The following PIK3C2A variants were observed in gnomAD, a reference collection of about 807,000 sequenced individuals.
PIK3C2A encodes phosphatidylinositol-4-phosphate 3-kinase catalytic subunit type 2 alpha, also known as phosphatidylinositol 4-phosphate 3-kinase C2 domain-containing subunit alpha.
A neutral mutation model predicts 204.5 loss-of-function variants in PIK3C2A; 97 were observed. The observed-to-expected ratio is 0.47, with a 90% CI of 0.40 to 0.56. PIK3C2A has a LOEUF of 0.56. Ranked by LOEUF, PIK3C2A falls within the 20% of genes least tolerant of loss-of-function variation. The probability of loss-of-function intolerance (pLI) is 0.00; values close to 1 mark genes in which losing one functional copy is unlikely to be tolerated. For missense variants in PIK3C2A, 1,735 were observed against 1,969.2 expected (o/e 0.88, Z 2.25); for synonymous variants, 653 against 664.4 (o/e 0.98, Z 0.26).
At chr11:17,122,483 T>C (rs1426502413) in intron 14 of PIK3C2A, 150 bp from the exon 15 acceptor site, 1 of 635,092 alleles carries the variant, frequency 1.6e-6, no homozygotes, top group African/African-American at 1.8e-5. Context: ...TTGATTACCA[T>C]TGTTGGTAAT....
At chr11:17,163,581 C>T (rs1850851239) in intron 2 of PIK3C2A, among the ~76,000 whole-genome samples, 1 of 151,698 alleles carries the variant, frequency 6.6e-6, no homozygotes, top group African/African-American at 2.4e-5. Context: ...CCACACACAG[C>T]TATTTTTTTT....
chr11:17,090,434 T>C (rs1268373422), intron 32 of PIK3C2A, among the ~76,000 whole-genome samples: 1 of 152,228 alleles, frequency 6.6e-6, no homozygotes, highest in Non-Finnish European at 1.5e-5. Flanking sequence ...TCTATTGCAC[T>C]CTAGCCTGGG....
At chr11:17,197,006 T>C (rs770324705) in intron 1 of PIK3C2A, among the ~76,000 whole-genome samples, 10 of 151,926 alleles carry the variant, frequency 6.6e-5, no homozygotes, top group Non-Finnish European at 1.3e-4. Flanking sequence ...AGTTTAAAAA[T>C]AGGTGAGCCT....
At chr11:17,195,656 T>C (rs987245080) in intron 1 of PIK3C2A, among the ~76,000 whole-genome samples, 1 of 151,512 alleles carries the variant, frequency 6.6e-6, no homozygotes, top group African/African-American at 2.4e-5. Flanking sequence ...GGCAGGAGGA[T>C]TGCTTGAACC....
At chr11:17,186,092 A>G (rs1851741560) in intron 1 of PIK3C2A, among the ~76,000 whole-genome samples, 1 of 152,066 alleles carries the variant, frequency 6.6e-6, no homozygotes, top group Non-Finnish European at 1.5e-5. Context: ...GTTCCTCAAC[A>G]CCTTATGCTC....
chr11:17,096,313 T>C (rs145146402), intron 27 of PIK3C2A, among the ~76,000 whole-genome samples: 7 of 152,172 alleles, frequency 4.6e-5, no homozygotes, highest in African/African-American at 1.7e-4. Flanking sequence ...GCTGGGATTA[T>C]AGGCATGAGC....
chr11:17,179,024 C>CAG (rs1851441626), intron 1 of PIK3C2A, among the ~76,000 whole-genome samples: 5 of 151,258 alleles, frequency 3.3e-5, no homozygotes, highest in African/African-American at 4.9e-5. Context: ...CCACCGCGCC[C>CAG]CCGCTGATTT....
intron 1 of PIK3C2A, among the ~76,000 whole-genome samples, chr11:17,180,139 G>A (rs532987665): frequency 6.6e-6 from 1 of 152,220 alleles, no homozygotes; most frequent in African/African-American, 2.4e-5. Context: ...AAGCACTGCT[G>A]CAGGCAATGA....
rs1851063332 is a variant in PIK3C2A at position 17,168,902 on chromosome 11, C to T, written c.840G>A (p.Lys280=). The part of the protein sequence containing the change: ...WLDLDPLSKP[K]VDNVEVLDHE... ...GGTCTAATACCTCCACATTATCCAC[C>T]TTAGGCTTACTTAGAGGATCCAAGT... Residue 280 remains lysine (K), a synonymous_variant, in exon 2 of 33, where the codon AAG becomes AAA. Transcript: ENST00000691414. 8 of 1,614,086 alleles carry T rather than the reference C, an allele frequency of 5.0e-6. No homozygotes were observed. The highest frequency in any genetic ancestry group is 6.8e-6 in the Non-Finnish European group (8 of 1,179,988).
At chr11:17,105,601 G>T in intron 22 of PIK3C2A, among the ~76,000 whole-genome samples, 1 of 152,080 alleles carries the variant, frequency 6.6e-6, no homozygotes, top group East Asian at 1.9e-4. Context: ...CTGTGTCCAC[G>T]TGTTCTCACT....
chr11:17,165,992 A>G (rs214939), intron 2 of PIK3C2A, among the ~76,000 whole-genome samples: 63,966 of 151,852 alleles, frequency 0.42, 13,816 homozygotes, highest in Non-Finnish European at 0.47. Context: ...CATATAGCCA[A>G]TCTTGTTTCA....
rs1450027719 is a variant in PIK3C2A, at chr11:17,169,733, C to G, written c.9G>C (p.Gln3His). 1.3e-6 allele frequency: 2 copies of G among 1,593,928 alleles called. No individual in the cohort carries two copies. The highest frequency in any genetic ancestry group is 2.7e-5 in the African/African-American group (2 of 74,330). MA[Q>H]ISSNSGFKEC... ...CTTTAAATCCGCTGTTGCTAGATAT[C>G]TGAGCCATGTCCACTAAAAAGACCA... The change falls in exon 2 of 33, where the codon CAG becomes CAC. Residue 3 changes from glutamine to histidine, a missense_variant. Gln to His is a conservative substitution (Grantham distance 24). Transcript: ENST00000691414.
chr11:17,144,563 G>A (rs983627722), intron 8 of PIK3C2A, among the ~76,000 whole-genome samples: 10 of 152,106 alleles, frequency 6.6e-5, no homozygotes, highest in Admixed American at 6.6e-5. Context: ...TTGGGGGTAA[G>A]TTAGGTCCGA....
At position 17,168,932 on chromosome 11, in the gene PIK3C2A, CCAGT is replaced by C; in HGVS notation, c.806_809del (p.Asp269GlyfsTer2). 1.9e-6 allele frequency: 3 copies of C among 1,614,046 alleles called. No individual in the cohort carries two copies. The highest frequency in any genetic ancestry group is 2.5e-6 in the Non-Finnish European group (3 of 1,179,960). On this transcript the variant is annotated frameshift_variant, in exon 2 of 33. Coordinates refer to ENST00000691414, the MANE Select transcript of PIK3C2A (RefSeq NM_002645.4). LOFTEE classifies it high-confidence loss of function. ...GCTTACTTAGAGGATCCAAGTCTAA[CCAGT>C]CAAATTTACTGATATCCTCAGACTT...
chr11:17,122,632 G>T, intron 14 of PIK3C2A, 70 bp downstream of exon 14: 3 of 747,446 alleles, frequency 4.0e-6, no homozygotes, highest in East Asian at 2.5e-5. Context: ...CCCAAATCAT[G>T]GTATACACAC....
intron 1 of PIK3C2A, among the ~76,000 whole-genome samples, chr11:17,179,672 G>C (rs7934596): frequency 6.6e-6 from 1 of 152,198 alleles, no homozygotes; most frequent in South Asian, 2.1e-4. Context: ...CTGAAGGGCA[G>C]TGACATCATC....
rs1851057678 is a variant in PIK3C2A at position 17,168,763 on chromosome 11, A to G, written c.979T>C (p.Ser327Pro). The G allele has an allele frequency of 1.2e-6, 2 of 1,613,816 alleles. No homozygotes were observed. The highest frequency in any genetic ancestry group is 1.1e-5 in the South Asian group (1 of 91,034). Residue 327 changes from serine to proline, a missense_variant, in exon 2 of 33, where the codon TCC becomes CCC. Ser to Pro is a moderately conservative substitution (Grantham distance 74). Around this residue, in one of 6 missense-constraint regions of PIK3C2A, gnomAD observed 536 missense variants for 546.7 expected, o/e 0.98. Transcript: ENST00000691414. ...CTTGTAACAGTTGCCACAGAAAGGG[A>G]TTTTCCATTCACCTTTCTTTCAAGA... Reference protein sequence around the residue: ...CHLERKVNGKSLSVATVTRSQ... With the variant: ...CHLERKVNGKPLSVATVTRSQ...
Position 17,094,324 on chromosome 11 carries a change from A to G in PIK3C2A, c.4388T>C (p.Phe1463Ser). Residue 1463 changes from phenylalanine to serine, a missense_variant, in exon 28 of 33, where the codon TTT becomes TCT. This residue lies in a region of PIK3C2A where 503 missense variants were observed against 669.0 expected (regional missense o/e 0.75). Coordinates refer to ENST00000691414, the MANE Select transcript of PIK3C2A (RefSeq NM_002645.4). The stretch of plus-strand genomic sequence containing the variant: ...ATTGTGAAGTTCCTGAAATTCGTCA[A>G]ATGTTCGGAAGACAAATGATGGTTC... ...QIEPSFVFRT[F>S]DEFQELHNKL... 1 of 1,611,424 alleles carries G rather than the reference A, an allele frequency of 6.2e-7. No individual in the cohort carries two copies. Among genetic ancestry groups the G allele is most frequent in the Non-Finnish European group, 8.5e-7 (1 of 1,177,532 alleles).
chr11:17,106,732 G>A (rs922310072), intron 22 of PIK3C2A, among the ~76,000 whole-genome samples: 3 of 152,140 alleles, frequency 2.0e-5, no homozygotes, highest in South Asian at 2.1e-4. Context: ...GTGAGCCACC[G>A]TGCCCAGTGA....
Sources: gnomAD v4.1 joint callset for allele counts (sites outside exome capture counted in the v4.1 genomes callset) on GRCh38, gnomAD v4.1.1 for gene constraint, gnomAD v4.1.1 regional missense constraint, MANE v1.5 for transcripts, NCBI Gene and HGNC (gene_info 2026-07-23, HGNC 2026-07-21) for gene names.